The following RNF150 variants were observed in gnomAD, a reference collection of about 807,000 sequenced individuals.
RNF150 encodes ring finger protein 150.
In RNF150, 24 loss-of-function variants were observed where a neutral mutation model predicts 39.3. That is an observed-to-expected ratio of 0.61 (90% CI 0.44 to 0.86). The LOEUF is 0.86. Ranked by LOEUF, RNF150 falls within the 40% of genes least tolerant of loss-of-function variation. The probability of loss-of-function intolerance (pLI) is 0.00; values close to 1 mark genes in which losing one functional copy is unlikely to be tolerated. For synonymous variants in RNF150, 255 were observed against 227.3 expected (o/e 1.12, Z -1.10); for missense variants, 502 against 587.8 (o/e 0.85, Z 1.51).
At chr4:141,098,380 G>T (rs576778828) in intron 1 of RNF150, among the ~76,000 whole-genome samples, 77 of 152,294 alleles carry the variant, frequency 5.1e-4, no homozygotes, top group African/African-American at 1.6e-3. Flanking sequence ...GACAGTCCTG[G>T]CACACAAGCA....
intron 4 of RNF150, among the ~76,000 whole-genome samples, chr4:140,931,186 A>C (rs971780086): frequency 2.6e-5 from 4 of 152,148 alleles, no homozygotes; most frequent in Non-Finnish European, 4.4e-5. Context: ...TATTAATAGC[A>C]TTGTATTACA....
At chr4:140,962,566 C>G (rs111462754) in intron 2 of RNF150, among the ~76,000 whole-genome samples, 5 of 151,978 alleles carry the variant, frequency 3.3e-5, no homozygotes, top group African/African-American at 1.2e-4. Flanking sequence ...TTCTACATCT[C>G]ATTTTCATTG....
chr4:141,059,994 A>T (rs1334849178), intron 1 of RNF150, among the ~76,000 whole-genome samples: 1 of 152,194 alleles, frequency 6.6e-6, no homozygotes, highest in African/African-American at 2.4e-5. Flanking sequence ...AAAAAGAAAT[A>T]AAAATCTAGA....
chr4:140,900,204 G>A (rs1041189485), intron 6 of RNF150, among the ~76,000 whole-genome samples: 3 of 152,116 alleles, frequency 2.0e-5, no homozygotes, highest in Non-Finnish European at 2.9e-5. Context: ...TTTATTCATA[G>A]AGCAGTTGTC....
intron 1 of RNF150, among the ~76,000 whole-genome samples, chr4:141,187,107 A>G (rs1384221676): frequency 6.6e-6 from 1 of 152,082 alleles, no homozygotes; most frequent in East Asian, 1.9e-4. Context: ...TAAATTTGTT[A>G]TTTACCCAAG....
At chr4:141,048,865 A>AC (rs1736677160) in intron 1 of RNF150, among the ~76,000 whole-genome samples, 1 of 152,210 alleles carries the variant, frequency 6.6e-6, no homozygotes, top group African/African-American at 2.4e-5. Context: ...TGTGGAAGCT[A>AC]CTTAGGTATA....
At chr4:141,001,169 T>C (rs1734655554) in intron 1 of RNF150, among the ~76,000 whole-genome samples, 1 of 152,208 alleles carries the variant, frequency 6.6e-6, no homozygotes, top group African/African-American at 2.4e-5. Flanking sequence ...TTTATGCCTA[T>C]CGTTGTAAAA....
At chr4:140,913,110 A>C (rs998914978) in intron 5 of RNF150, among the ~76,000 whole-genome samples, 1 of 152,110 alleles carries the variant, frequency 6.6e-6, no homozygotes. Context: ...AAAATATAAA[A>C]ATTAGCCAGG....
chr4:140,926,926 C>G (rs1333245128), intron 4 of RNF150, among the ~76,000 whole-genome samples: 1 of 152,194 alleles, frequency 6.6e-6, no homozygotes, highest in African/African-American at 2.4e-5. Context: ...AGTCTGAGGA[C>G]TTCCTCAGGA....
intron 5 of RNF150, among the ~76,000 whole-genome samples, chr4:140,920,096 C>G (rs1247487147): frequency 1.3e-5 from 2 of 150,310 alleles, no homozygotes; most frequent in Non-Finnish European, 3.0e-5. Flanking sequence ...AGAAGAAAAC[C>G]TAGGCATTAC....
chr4:141,200,615 T>C (rs1466345892), intron 1 of RNF150, among the ~76,000 whole-genome samples: 3 of 152,192 alleles, frequency 2.0e-5, no homozygotes, highest in African/African-American at 7.2e-5. Flanking sequence ...CACCTCCTAA[T>C]ACTATCACAT....
chr4:141,044,132 A>T (rs1183953725), intron 1 of RNF150, among the ~76,000 whole-genome samples: 1 of 152,250 alleles, frequency 6.6e-6, no homozygotes, highest in Non-Finnish European at 1.5e-5. Flanking sequence ...ATGACACATT[A>T]ACATTGAAAG....
intron 1 of RNF150, among the ~76,000 whole-genome samples, chr4:141,028,390 C>T (rs1315135523): frequency 6.6e-6 from 1 of 152,080 alleles, no homozygotes; most frequent in Non-Finnish European, 1.5e-5. Flanking sequence ...TTTGCTTAGT[C>T]ATTTAACTAG....
At chr4:140,995,101 T>G (rs1358607342) in intron 1 of RNF150, among the ~76,000 whole-genome samples, 1 of 152,176 alleles carries the variant, frequency 6.6e-6, no homozygotes, top group East Asian at 1.9e-4. Flanking sequence ...AATTATATTT[T>G]TTGTACCCAT....
Position 141,151,829 on chromosome 4 carries a change from T to A in RNF150, c.-6+60965A>T, listed in dbSNP as rs145463544. Among the ~76,000 whole-genome samples, 18 of 152,326 alleles carry A rather than the reference T, an allele frequency of 1.2e-4. No individual in the cohort carries two copies. In the East Asian group the frequency reaches 2.5e-3, roughly 21 times the overall value. On this transcript the variant is annotated intron_variant, in intron 1 of 7. Transcript: ENST00000420921. Reference sequence around the variant, plus strand: ...CCTGAAGAAAGCAAATGTGTTCCCATGATAAAATAAAATTATTCACAGAAA... The same window carrying A: ...CCTGAAGAAAGCAAATGTGTTCCCAAGATAAAATAAAATTATTCACAGAAA...
intron 6 of RNF150, among the ~76,000 whole-genome samples, chr4:140,875,488 T>C (rs929528928): frequency 6.6e-6 from 1 of 152,184 alleles, no homozygotes; most frequent in African/African-American, 2.4e-5. Context: ...TAATCTGTTC[T>C]TGAGTTGAGA....
chr4:141,154,056 G>C (rs372600315), intron 1 of RNF150, among the ~76,000 whole-genome samples: 3 of 152,298 alleles, frequency 2.0e-5, no homozygotes, highest in African/African-American at 7.2e-5. Flanking sequence ...AGTTTGCTGT[G>C]AGTACTAAAT....
intron 1 of RNF150, among the ~76,000 whole-genome samples, chr4:141,166,512 T>A (rs1488532591): frequency 6.6e-6 from 1 of 152,198 alleles, no homozygotes; most frequent in African/African-American, 2.4e-5. Flanking sequence ...CAGGCTAATA[T>A]CCCTGATGAA....
chr4:140,980,820 C>T (rs773891328), intron 1 of RNF150, among the ~76,000 whole-genome samples: 1 of 152,150 alleles, frequency 6.6e-6, no homozygotes, highest in Non-Finnish European at 1.5e-5. Context: ...TTACCAGTCT[C>T]AGGCAGTTCG....
Sources: gnomAD v4.1 joint callset for allele counts (sites outside exome capture counted in the v4.1 genomes callset) on GRCh38, gnomAD v4.1.1 for gene constraint, MANE v1.5 for transcripts, NCBI Gene and HGNC (gene_info 2026-07-23, HGNC 2026-07-21) for gene names.